PIH1D2: variants seen among roughly 807,000 people sequenced by gnomAD.
PIH1D2 encodes the protein PIH1 domain containing 2.
PIH1D2 carries 25 observed loss-of-function variants against 31.2 expected under a neutral mutation model. That is an observed-to-expected ratio of 0.80 (90% CI 0.58 to 1.12). The LOEUF (loss-of-function observed/expected upper bound fraction) is 1.12. Among genes scored for constraint, PIH1D2 ranks in the 50% most tolerant of loss-of-function variants. The probability of loss-of-function intolerance (pLI) is 0.00; values close to 1 mark genes in which losing one functional copy is unlikely to be tolerated. For missense variants in PIH1D2, 310 were observed against 356.6 expected (o/e 0.87, Z 1.05); for synonymous variants, 116 against 119.9 (o/e 0.97, Z 0.21).
At chr11:112,068,760 G>A (rs1182684026) in intron 5 of PIH1D2, among the ~76,000 whole-genome samples, 1 of 151,838 alleles carries the variant, frequency 6.6e-6, no homozygotes, top group African/African-American at 2.4e-5. Context: ...CTCCAGCCTG[G>A]GCAATAGAGT....
Position 112,071,641 on chromosome 11 carries a change from T to C in PIH1D2, c.295A>G (p.Ile99Val), listed in dbSNP as rs1473608663. ...TTCTCTCAATTATTTGTACCTGATA[T>C]CTCAGTTGTATCTTCTGGTTTGCCA... is the stretch of plus-strand genomic sequence containing the variant. ...TVGKPEDTTEISDAYTVIDVA... is the reference protein window; with the variant it reads ...TVGKPEDTTEVSDAYTVIDVA... The change falls in exon 3 of 6, where the codon ATA becomes GTA. Residue 99 changes from isoleucine to valine, a missense_variant. Coordinates refer to ENST00000280350, the MANE Select transcript of PIH1D2 (RefSeq NM_138789.4). 1.2e-6 allele frequency: 2 copies of C among 1,613,470 alleles called. No individual in the cohort carries two copies. The highest frequency in any genetic ancestry group is 2.7e-5 in the African/African-American group (2 of 74,946).
At chr11:112,062,318 A>T (rs1398579241), downstream of PIH1D2, 2 of 1,410,412 alleles carry the variant, frequency 1.4e-6, no homozygotes, top group East Asian at 4.6e-5. Context: ...GGTTGGGATT[A>T]TAGGGTAGGA....
downstream of PIH1D2, among the ~76,000 whole-genome samples, chr11:112,067,520 C>T (rs1459670743): frequency 6.7e-6 from 1 of 149,996 alleles, no homozygotes; most frequent in Non-Finnish European, 1.5e-5. Flanking sequence ...AAAAAAATAG[C>T]TGGGCGTGGT....
downstream of PIH1D2, among the ~76,000 whole-genome samples, chr11:112,066,272 T>C (rs587659541): frequency 5.3e-5 from 8 of 152,330 alleles, no homozygotes; most frequent in African/African-American, 1.9e-4. Context: ...TACATCACTT[T>C]TGTACTTCTG....
intron 4 of PIH1D2, 36 bp downstream of exon 4, chr11:112,071,002 A>G (rs1865091855): frequency 1.9e-6 from 3 of 1,592,844 alleles, no homozygotes; most frequent in East Asian, 4.5e-5. Context: ...AACATCTTAA[A>G]GCAGTTTAAT....
chr11:112,054,766 A>G, the PIH1D2 span, among the ~76,000 whole-genome samples: 1 of 152,228 alleles, frequency 6.6e-6, no homozygotes, highest in Non-Finnish European at 1.5e-5. Flanking sequence ...CAAGTCTGAA[A>G]TCAGGGTTTC....
chr11:112,071,986 G>T (rs1177563722), intron 2 of PIH1D2, among the ~76,000 whole-genome samples: 11 of 151,998 alleles, frequency 7.2e-5, no homozygotes, highest in Non-Finnish European at 1.5e-5. Context: ...CCAGCTACTC[G>T]GGAGGCTGAG....
At chr11:112,052,765 C>G in the PIH1D2 span, among the ~76,000 whole-genome samples, 20 of 152,182 alleles carry the variant, frequency 1.3e-4, no homozygotes, top group Admixed American at 7.2e-4. Flanking sequence ...ATCTCCCTCC[C>G]CTTTCCCTTA....
At chr11:112,053,798 C>T in the PIH1D2 span, among the ~76,000 whole-genome samples, 1 of 152,110 alleles carries the variant, frequency 6.6e-6, no homozygotes, top group South Asian at 2.1e-4. Context: ...TATTTATTTA[C>T]CTGCAGATTT....
the PIH1D2 span, among the ~76,000 whole-genome samples, chr11:112,055,535 C>T: frequency 6.6e-5 from 10 of 151,970 alleles, no homozygotes; most frequent in Non-Finnish European, 7.4e-5. Flanking sequence ...TGAGCCACCG[C>T]GCCCGGCCAA....
intron 5 of PIH1D2, chr11:112,070,192 T>C (rs1000411451): frequency 1.7e-6 from 1 of 600,618 alleles, no homozygotes; most frequent in Non-Finnish European, 2.9e-6. Flanking sequence ...GGAGCGTGAG[T>C]AGAAGTGATA....
At chr11:112,052,571 G>T in the PIH1D2 span, among the ~76,000 whole-genome samples, 1 of 152,170 alleles carries the variant, frequency 6.6e-6, no homozygotes, top group African/African-American at 2.4e-5. Flanking sequence ...GGCGAGGTTT[G>T]AGGTGGGGTG....
downstream of PIH1D2, chr11:112,061,247 A>C: frequency 6.4e-7 from 1 of 1,560,414 alleles, no homozygotes; most frequent in Non-Finnish European, 8.8e-7. Flanking sequence ...TGGTATCCTC[A>C]GGGGATTGGC....
downstream of PIH1D2, chr11:112,064,002 A>T (rs1555183572): frequency 3.3e-6 from 2 of 602,772 alleles, no homozygotes; most frequent in Admixed American, 7.2e-5. Context: ...TACACAAGTG[A>T]CACTCCATAT....
the PIH1D2 span, among the ~76,000 whole-genome samples, chr11:112,053,589 A>G: frequency 6.6e-6 from 1 of 151,944 alleles, no homozygotes; most frequent in Admixed American, 6.6e-5. Context: ...AGTAGCTGGG[A>G]TTACAGGCAT....
intron 1 of PIH1D2, 43 bp downstream of exon 1, chr11:112,073,937 C>G (rs1373792996): frequency 6.4e-6 from 1 of 156,002 alleles, no homozygotes; most frequent in Non-Finnish European, 1.4e-5. Flanking sequence ...CACCTCTTCT[C>G]TCAGTTCTAA....
chr11:112,070,593 T>G lies in PIH1D2; in HGVS notation c.656A>C (p.Glu219Ala). Residue 219 changes from glutamate to alanine, a missense_variant, in exon 5 of 6, where the codon GAA (glutamate) becomes GCA (alanine). By Grantham distance (107) the Glu-to-Ala change is moderately radical. Transcript: ENST00000280350. Reference protein sequence around the residue: ...QVSGKAVCLIEEISSTEIQVE... With the variant: ...QVSGKAVCLIAEISSTEIQVE... The stretch of plus-strand genomic sequence containing the variant: ...CTGGATTTCAGTACTGGAAATCTCT[T>G]CTATCAGACACACTGCTTTGCCTGA... 1 of 1,614,190 alleles carries G rather than the reference T, an allele frequency of 6.2e-7. No individual in the cohort carries two copies. Among genetic ancestry groups the G allele is most frequent in the Non-Finnish European group, 8.5e-7 (1 of 1,180,032 alleles).
the PIH1D2 span, among the ~76,000 whole-genome samples, chr11:112,055,609 T>C: frequency 6.6e-6 from 1 of 152,128 alleles, no homozygotes; most frequent in African/African-American, 2.4e-5. Flanking sequence ...AGTTAGCCAC[T>C]GTTACTGAAC....
downstream of PIH1D2, among the ~76,000 whole-genome samples, chr11:112,058,423 T>C (rs1555182815): frequency 6.6e-6 from 1 of 152,158 alleles, no homozygotes; most frequent in Non-Finnish European, 1.5e-5. Context: ...GGGGATTTGG[T>C]ACCCACTGAT....
Sources: gnomAD v4.1 joint callset for allele counts (sites outside exome capture counted in the v4.1 genomes callset) on GRCh38, gnomAD v4.1.1 for gene constraint, MANE v1.5 for transcripts, NCBI Gene and HGNC (gene_info 2026-07-23, HGNC 2026-07-21) for gene names.